Variants in EIF2D observed in about 807,000 individuals in gnomAD.
EIF2D encodes hepatocellular carcinoma-associated antigen 56.
In EIF2D, 56 loss-of-function variants were observed where a neutral mutation model predicts 77.4. The ratio of observed to expected loss-of-function variants is 0.72; its 90% CI spans 0.58 to 0.90. EIF2D has a LOEUF of 0.90. Ranked by LOEUF, EIF2D falls within the 40% of genes least tolerant of loss-of-function variation. The pLI is 0.00. For missense variants in EIF2D, 574 were observed against 706.5 expected (o/e 0.81, Z 2.13); for synonymous variants, 230 against 271.0 (o/e 0.85, Z 1.49).
At chr1:206,593,504 A>AGTGTGTGTGTGTGT (rs1476375070) in intron 14 of EIF2D, 115 bp downstream of exon 14, 11 of 405,114 alleles carry the variant, frequency 2.7e-5, no homozygotes, top group African/African-American at 2.7e-4. Context: ...AGAGAGAGAG[A>AGTGTGTGTGTGTGT]GAGAGTGTGT....
chr1:206,612,255 C>T (rs374482394), intron 1 of EIF2D, 32 bp downstream of exon 1: 3 of 1,614,156 alleles, frequency 1.9e-6, no homozygotes, highest in Non-Finnish European at 2.5e-6. Flanking sequence ...TCTGGTTGTT[C>T]CGTGGCAGAG....
chr1:206,583,382 A>G (rs1553406795), intron 2 of EIF2D: 1 of 1,596,316 alleles, frequency 6.3e-7, no homozygotes, highest in Admixed American at 1.7e-5. Flanking sequence ...TGAAACTGGT[A>G]AGCGCCCGTC....
rs1669069969 is a variant in EIF2D, at chr1:206,585,345, GGTGCAGGTGGGTGT to G, written c.139-4197_139-4184del. On this transcript the variant is annotated intron_variant and NMD_transcript_variant, in intron 2 of 5. Coordinates refer to the EIF2D transcript ENST00000472709. ...CCCAGGCCTTAGGGCACCCTGGGTG[GGTGCAGGTGGGTGT>G]TGTCCTAACTACCTCACATAGGTGG... 3.0e-6 allele frequency: 4 copies of G among 1,336,184 alleles called. No individual in the cohort carries two copies. In the East Asian group the frequency reaches 9.2e-5, roughly 31 times the overall value. The allele number at this position is 1,336,184 out of a possible 1,614,324, so 82.8% of individuals were successfully genotyped here. A position where few individuals can be genotyped will look rare whatever the true frequency, so the allele number is the denominator to read the frequency against.
intron 4 of EIF2D, among the ~76,000 whole-genome samples, chr1:206,577,880 C>T (rs1039538231): frequency 5.3e-5 from 8 of 152,126 alleles, no homozygotes; most frequent in African/African-American, 1.7e-4. Flanking sequence ...CATTAAAGAG[C>T]TTTAGTCTAG....
intron 2 of EIF2D, among the ~76,000 whole-genome samples, chr1:206,582,929 G>A (rs141807779): frequency 4.7e-4 from 72 of 152,230 alleles, no homozygotes; most frequent in African/African-American, 1.7e-3. Context: ...AAGCAAATGC[G>A]GCTCTGCTCA....
At chr1:206,603,225 A>G (rs1670017671) in intron 5 of EIF2D, 21 bp from the exon 6 acceptor site, 2 of 1,610,456 alleles carry the variant, frequency 1.2e-6, no homozygotes, top group African/African-American at 1.3e-5. Flanking sequence ...CTCATGTCAG[A>G]AACATCAAGC....
rs533668634 is a variant in EIF2D, at chr1:206,608,112, G to A, written c.422+124C>T. 29 of 797,708 alleles carry A rather than the reference G, an allele frequency of 3.6e-5. No individual in the cohort carries two copies. In the African/African-American group the frequency reaches 4.1e-4, roughly 11 times the overall value. 49.4% of individuals were successfully genotyped at this position (797,708 alleles called of 1,614,324 possible). A position where few individuals can be genotyped will look rare whatever the true frequency, so the allele number is the denominator to read the frequency against. The stretch of plus-strand genomic sequence containing the variant: ...TGCCATTCTCCTGCTGGCCCACTCT[G>A]CTTCTTCCAAAACCGATTTTTGCTT... On this transcript the variant is annotated intron_variant, in intron 4 of 14. Coordinates refer to ENST00000271764, the MANE Select transcript of EIF2D (RefSeq NM_006893.3).
Position 206,608,134 on chromosome 1 carries a change from G to T in EIF2D, c.422+102C>A. ...TCTGCTTCTTCCAAAACCGATTTTT[G>T]CTTTCACTCTTTTGTTCATATGCTT... On this transcript the variant is annotated intron_variant, in intron 4 of 14. Coordinates refer to ENST00000271764, the MANE Select transcript of EIF2D (RefSeq NM_006893.3). 8.0e-6 allele frequency: 9 copies of T among 1,122,900 alleles called. No homozygotes were observed. In the Admixed American group the frequency reaches 2.0e-4, roughly 25 times the overall value. 69.6% of individuals were successfully genotyped at this position (1,122,900 alleles called of 1,614,324 possible).
At chr1:206,590,350 G>A (rs1331171322), downstream of EIF2D, among the ~76,000 whole-genome samples, 1 of 152,168 alleles carries the variant, frequency 6.6e-6, no homozygotes, top group Non-Finnish European at 1.5e-5. Context: ...GATCAACAAG[G>A]CGGGACATGA....
At chr1:206,569,534 A>G (rs1281291043), downstream of EIF2D, among the ~76,000 whole-genome samples, 1 of 152,258 alleles carries the variant, frequency 6.6e-6, no homozygotes, top group Non-Finnish European at 1.5e-5. Context: ...TTCTCTACAG[A>G]TGCAAATTTC....
chr1:206,595,467 A>G, intron 13 of EIF2D: 1 of 304,392 alleles, frequency 3.3e-6, no homozygotes, highest in Non-Finnish European at 6.1e-6. Flanking sequence ...TGAAAATACA[A>G]TCTTGTTTAC....
intron 13 of EIF2D, 144 bp downstream of exon 13, chr1:206,595,574 C>T (rs1669606785): frequency 9.8e-7 from 1 of 1,017,530 alleles, no homozygotes; most frequent in South Asian, 1.8e-5. Context: ...GAGCCCAGCC[C>T]AGGCACATAA....
chr1:206,576,301 G>A (rs1572358164), intron 4 of EIF2D, among the ~76,000 whole-genome samples: 1 of 152,320 alleles, frequency 6.6e-6, no homozygotes, highest in East Asian at 1.9e-4. Context: ...TGCTGCAATG[G>A]GAATCTGAGG....
downstream of EIF2D, among the ~76,000 whole-genome samples, chr1:206,590,148 T>A (rs1251472337): frequency 6.6e-6 from 1 of 152,202 alleles, no homozygotes; most frequent in Non-Finnish European, 1.5e-5. Context: ...TTTGAATATG[T>A]CCCTATGCTG....
chr1:206,605,368 T>A (rs1344155618), intron 5 of EIF2D, 32 bp downstream of exon 5: 1 of 1,583,232 alleles, frequency 6.3e-7, no homozygotes, highest in East Asian at 2.2e-5. Context: ...CTGCCCCGGT[T>A]CTCTGTAAAA....
chr1:206,593,542 T>TGTGTGTGTGTGTGTGTGTGTG, intron 14 of EIF2D, 77 bp downstream of exon 14: 1 of 1,157,790 alleles, frequency 8.6e-7, no homozygotes, highest in Non-Finnish European at 1.3e-6. Context: ...TGTGTGTGTG[T>TGTGTGTGTGTGTGTGTGTGTG]ATTATGCAAG....
intron 5 of EIF2D, among the ~76,000 whole-genome samples, chr1:206,604,115 A>G (rs1273594311): frequency 6.6e-6 from 1 of 152,192 alleles, no homozygotes; most frequent in South Asian, 2.1e-4. Context: ...ATGAGCTTGT[A>G]CCAGCAAAGG....
At chr1:206,610,819 T>A (rs1195399753) in intron 2 of EIF2D, among the ~76,000 whole-genome samples, 1 of 152,158 alleles carries the variant, frequency 6.6e-6, no homozygotes, top group Non-Finnish European at 1.5e-5. Context: ...AGACTCTGTC[T>A]CATGAAGACA....
At chr1:206,585,385 G>C in intron 2 of EIF2D, 1 of 896,792 alleles carries the variant, frequency 1.1e-6, no homozygotes. Flanking sequence ...ACATAGGTGG[G>C]AGCCACGCAG....
Sources: allele counts gnomAD v4.1 joint callset (sites outside exome capture counted in the v4.1 genomes callset), GRCh38; gene constraint gnomAD v4.1.1; transcripts MANE v1.5; gene names NCBI Gene and HGNC (gene_info 2026-07-23, HGNC 2026-07-21).